The following LRRC57 variants were observed in gnomAD, a reference collection of about 807,000 sequenced individuals.
LRRC57 encodes leucine-rich repeat-containing protein 57.
Under a neutral mutation model 23.1 loss-of-function variants are expected in LRRC57, and 14 were observed. The observed-to-expected ratio is 0.61, with a 90% CI of 0.40 to 0.95. The LOEUF (loss-of-function observed/expected upper bound fraction) is 0.95. LRRC57 is among the 40% of genes least tolerant of loss of function. The pLI is 0.00. For missense variants in LRRC57, 236 were observed against 284.4 expected, an observed-to-expected ratio of 0.83 and a Z score of 1.22; for synonymous variants, 106 against 115.2, an observed-to-expected ratio of 0.92 and a Z score of 0.51.
At chr15:42,530,431 G>A in the LRRC57 span, among the ~76,000 whole-genome samples, 1 of 152,116 alleles carries the variant, frequency 6.6e-6, no homozygotes, top group African/African-American at 2.4e-5. Context: ...TAGTGAAAGC[G>A]AAATTGTTTT....
chr15:42,544,842 C>CTATATATATATATATATATATATATATA lies in LRRC57; in HGVS notation c.678+234_678+235insTATATATATATATATATATATATATATA, dbSNP rs143066320. Among the ~76,000 whole-genome samples the CTATATATATATATATATATATATATATA allele has an allele frequency of 2.0e-3, 193 of 97,900 alleles. 4 individuals are homozygous for CTATATATATATATATATATATATATATA. The highest frequency in any genetic ancestry group is 0.012 in the African/African-American group (181 of 14,906). The allele number at this position is 97,900 out of a possible 152,430, so 64.2% of individuals were successfully genotyped here. A position where few individuals can be genotyped will look rare whatever the true frequency, so the allele number is the denominator to read the frequency against. On this transcript the variant is annotated intron_variant, in intron 5 of 5. Coordinates refer to ENST00000397130, the MANE Select transcript of LRRC57 (RefSeq NM_153260.3). ...ACACACACACACACACACACACACA[C>CTATATATATATATATATATATATATATA]TATATATATATATATATCAAAAGAC...
downstream of LRRC57, among the ~76,000 whole-genome samples, chr15:42,533,851 T>A (rs1263248853): frequency 6.6e-6 from 1 of 152,274 alleles, no homozygotes; most frequent in African/African-American, 2.4e-5. Context: ...ATAAAAGTTC[T>A]GTTTACACTA....
rs747903480 is a variant in LRRC57 at position 42,548,257 on chromosome 15, G to A, written c.85-13C>T. The A allele has an allele frequency of 1.2e-6, 2 of 1,614,200 alleles. No homozygotes were observed. Among genetic ancestry groups the A allele is most frequent in the African/African-American group, 1.3e-5 (1 of 75,066 alleles). On this transcript the variant is annotated splice_polypyrimidine_tract_variant and intron_variant, in intron 2 of 5. Coordinates refer to ENST00000397130, the MANE Select transcript of LRRC57 (RefSeq NM_153260.3). ...AGTCTGCGGGGAACTGGAGAAAGGA[G>A]TTCACAGCGTGGGGAATCCCGCACC...
the LRRC57 span, among the ~76,000 whole-genome samples, chr15:42,530,430 C>T: frequency 6.6e-6 from 1 of 152,034 alleles, no homozygotes; most frequent in African/African-American, 2.4e-5. Flanking sequence ...ATAGTGAAAG[C>T]GAAATTGTTT....
Position 42,543,534 on chromosome 15 carries a change from C to G in LRRC57, c.*549G>C, listed in dbSNP as rs566532502. On this transcript the variant is annotated 3_prime_UTR_variant, in exon 6 of 6. Coordinates refer to ENST00000397130, the MANE Select transcript of LRRC57 (RefSeq NM_153260.3). The stretch of plus-strand genomic sequence containing the variant: ...CTTTTAATCAAGACAAACAGTCACA[C>G]ATTTATGTACATCCTAAAGTCCTAG... 1 of 152,394 alleles carries G rather than the reference C, an allele frequency of 6.6e-6. No individual in the cohort carries two copies. The highest frequency in any genetic ancestry group is 1.5e-5 in the Non-Finnish European group (1 of 68,100). 9.4% of individuals were successfully genotyped at this position (152,394 alleles called of 1,614,324 possible). A position where few individuals can be genotyped will look rare whatever the true frequency, so the allele number is the denominator to read the frequency against.
chr15:42,548,335 T>A lies in LRRC57; in HGVS notation c.84+16A>T. The A allele has an allele frequency of 6.2e-7, 1 of 1,614,116 alleles. No homozygotes were observed. Among genetic ancestry groups the A allele is most frequent in the South Asian group, 1.1e-5 (1 of 91,084 alleles). On this transcript the variant is annotated intron_variant, in intron 2 of 5. Transcript: ENST00000397130. ...TCTCCCTTTAAGTTCCCTGGTCGTG[T>A]CCCTCCCAGTCTCACCTCGGTCAGC...
In LRRC57 at chr15:42,543,752, T is replaced by C. The variant is rs887126528; in HGVS notation, c.*331A>G. 5 of 242,784 alleles carry C rather than the reference T, an allele frequency of 2.1e-5. No individual in the cohort carries two copies. Among genetic ancestry groups the C allele is most frequent in the Admixed American group, 5.2e-5 (1 of 19,310 alleles). The allele number at this position is 242,784 out of a possible 1,614,324, so 15.0% of individuals were successfully genotyped here. ...CTCAAGCTGTGGTGTGGAGCTATTC[T>C]GTTACCAGGCAGCACCCCCTCACCA... is the stretch of plus-strand genomic sequence containing the variant. On this transcript the variant is annotated 3_prime_UTR_variant, in exon 6 of 6. Coordinates refer to ENST00000397130, the MANE Select transcript of LRRC57 (RefSeq NM_153260.3).
At chr15:42,548,618 C>A (rs1359354897) in intron 1 of LRRC57, 75 bp downstream of exon 1, 2 of 653,182 alleles carry the variant, frequency 3.1e-6, no homozygotes, top group Non-Finnish European at 5.2e-6. Flanking sequence ...ACCACCAAGC[C>A]CTGCCGCCTT....
intron 5 of LRRC57, among the ~76,000 whole-genome samples, chr15:42,544,816 C>T (rs2057648375): frequency 9.2e-6 from 1 of 109,012 alleles, no homozygotes; most frequent in Non-Finnish European, 1.9e-5. Context: ...GACCCTGTCT[C>T]ACACACACAC....
At chr15:42,545,454 C>A (rs2057654747) in intron 4 of LRRC57, 192 bp from the exon 5 acceptor site, 2 of 369,998 alleles carry the variant, frequency 5.4e-6, no homozygotes, top group Non-Finnish European at 9.5e-6. Flanking sequence ...ACTACGCCCC[C>A]ACTTAAAAAA....
At chr15:42,533,460 A>G (rs1359944784), downstream of LRRC57, among the ~76,000 whole-genome samples, 3 of 152,228 alleles carry the variant, frequency 2.0e-5, no homozygotes, top group Admixed American at 6.5e-5. Context: ...GAAATGCTCC[A>G]TGTCAAAATG....
At chr15:42,544,738 C>T (rs2057647762) in intron 5 of LRRC57, among the ~76,000 whole-genome samples, 1 of 150,018 alleles carries the variant, frequency 6.7e-6, no homozygotes, top group East Asian at 2.0e-4. Context: ...CGCTTGAGCC[C>T]AGGAGGTGAA....
chr15:42,544,774 G>A (rs1292201445), intron 5 of LRRC57, among the ~76,000 whole-genome samples: 3 of 149,894 alleles, frequency 2.0e-5, no homozygotes, highest in Non-Finnish European at 4.4e-5. Context: ...CTGAGATTGC[G>A]CCACTGCACT....
intron 5 of LRRC57, among the ~76,000 whole-genome samples, chr15:42,544,779 T>A (rs866114453): frequency 1.1e-4 from 16 of 147,748 alleles, no homozygotes; most frequent in Admixed American, 4.7e-4. Flanking sequence ...ATTGCGCCAC[T>A]GCACTCCAGC....
intron 5 of LRRC57, 37 bp downstream of exon 5, chr15:42,545,040 G>A (rs2057652060): frequency 8.4e-6 from 12 of 1,425,788 alleles, no homozygotes; most frequent in Admixed American, 4.4e-5. Flanking sequence ...CTTCTCTGGG[G>A]TAGTGACTAG....
chr15:42,544,838 C>CTATATATATATAT (rs1484623621), intron 5 of LRRC57, among the ~76,000 whole-genome samples: 12 of 109,280 alleles, frequency 1.1e-4, no homozygotes, highest in African/African-American at 6.1e-4. Context: ...CACACACACA[C>CTATATATATATAT]ACACTATATA....
rs2057642769 is a variant in LRRC57 at position 42,543,767 on chromosome 15, C to G, written c.*316G>C. ...GGAGCTATTCTGTTACCAGGCAGCACCCCCTCACCATATAAATAGCAGCTA... is the reference window on the plus strand; with the variant it reads ...GGAGCTATTCTGTTACCAGGCAGCAGCCCCTCACCATATAAATAGCAGCTA... On this transcript the variant is annotated 3_prime_UTR_variant, in exon 6 of 6. Coordinates refer to ENST00000397130, the MANE Select transcript of LRRC57 (RefSeq NM_153260.3). The G allele has an allele frequency of 3.8e-6, 1 of 263,810 alleles. No individual in the cohort carries two copies. 16.3% of individuals were successfully genotyped at this position (263,810 alleles called of 1,614,324 possible). A position where few individuals can be genotyped will look rare whatever the true frequency, so the allele number is the denominator to read the frequency against.
chr15:42,539,368 T>C lies in LRRC57; in HGVS notation c.*4715A>G, dbSNP rs10775127. On this transcript the variant is annotated 3_prime_UTR_variant, in exon 6 of 6. Coordinates refer to ENST00000397130, the MANE Select transcript of LRRC57 (RefSeq NM_153260.3). ...TGGTGGGCACCTGTAATCCCAGCTATTCAGGAGGCTGAGGCAGGAGAATTG... is the reference window on the plus strand; with the variant it reads ...TGGTGGGCACCTGTAATCCCAGCTACTCAGGAGGCTGAGGCAGGAGAATTG... 0.97 allele frequency: 147,840 copies of C among 151,738 alleles called. 72,084 individuals are homozygous for C. The highest frequency in any genetic ancestry group is 1 in the Non-Finnish European group (67,946 of 68,046). The allele number at this position is 151,738 out of a possible 1,614,324, so 9.4% of individuals were successfully genotyped here. A position where few individuals can be genotyped will look rare whatever the true frequency, so the allele number is the denominator to read the frequency against.
the LRRC57 span, among the ~76,000 whole-genome samples, chr15:42,529,997 G>C: frequency 3.3e-5 from 5 of 152,300 alleles, no homozygotes; most frequent in African/African-American, 1.2e-4. Flanking sequence ...TCCCTGTCAT[G>C]GTAGTTGGTG....
Sources: allele counts gnomAD v4.1 joint callset (sites outside exome capture counted in the v4.1 genomes callset), GRCh38; gene constraint gnomAD v4.1.1; transcripts MANE v1.5; gene names NCBI Gene and HGNC (gene_info 2026-07-23, HGNC 2026-07-21).